The following SVOPL variants were observed in gnomAD, a reference collection of about 807,000 sequenced individuals.
SVOPL encodes putative transporter SVOPL.
In SVOPL, 60 loss-of-function variants were observed where a neutral mutation model predicts 61.0. That is an observed-to-expected ratio of 0.98 (90% confidence interval 0.80 to 1.22). The LOEUF (loss-of-function observed/expected upper bound fraction) is 1.22. Among genes scored for constraint, SVOPL ranks in the 50% most tolerant of loss-of-function variants. SVOPL has a pLI of 0.00. For synonymous variants in SVOPL, 279 were observed against 250.0 expected (o/e 1.12, Z -1.09); for missense variants, 662 against 643.9 (o/e 1.03, Z -0.30).
intron 14 of SVOPL, among the ~76,000 whole-genome samples, chr7:138,602,897 T>C (rs1019858978): frequency 2.0e-5 from 3 of 152,014 alleles, no homozygotes; most frequent in Non-Finnish European, 4.4e-5. Context: ...GAACCAAACT[T>C]TGAAAAGGGG....
At position 138,630,023 on chromosome 7, in the gene SVOPL, T is replaced by G; in HGVS notation, c.863+26A>C. The stretch of plus-strand genomic sequence containing the variant: ...TCCTCCCAATGCCTCTATTTAAAAC[T>G]AGCTTTGAAATCATTACACTCTTAC... On this transcript the variant is annotated intron_variant, in intron 10 of 15. Coordinates refer to ENST00000674285, the MANE Select transcript of SVOPL (RefSeq NM_001139456.2). 7.5e-6 allele frequency: 12 copies of G among 1,592,650 alleles called. 1 individual carries two copies. The South Asian group carries it at 1.3e-4, about 18-fold the overall frequency.
At position 138,649,054 on chromosome 7, in the gene SVOPL, G is replaced by C; in HGVS notation, c.618C>G (p.Arg206=). 1.2e-6 allele frequency: 2 copies of C among 1,613,868 alleles called. No individual in the cohort carries two copies. The highest frequency in any genetic ancestry group is 1.7e-6 in the Non-Finnish European group (2 of 1,179,956). The change falls in exon 8 of 16, where the codon CGC becomes CGG. Residue 206 remains arginine, a synonymous_variant. Transcript: ENST00000674285. Reference sequence around the variant, plus strand: ...GGATGATGCCCGGGATGGAGGCGACGCGAATGAGCCAGCGCCACCCGATGG... The same window carrying C: ...GGATGATGCCCGGGATGGAGGCGACCCGAATGAGCCAGCGCCACCCGATGG... The part of the protein sequence containing the change: ...IPTIGWRWLI[R]VASIPGIILI...
intron 12 of SVOPL, 74 bp from the exon 13 acceptor site, chr7:138,626,124 G>T: frequency 7.1e-7 from 1 of 1,400,654 alleles, no homozygotes; most frequent in Non-Finnish European, 1.0e-6. Context: ...AGCTTCGAGT[G>T]CACTGTGGAT....
chr7:138,632,001 C>T (rs1446223147), intron 9 of SVOPL, among the ~76,000 whole-genome samples: 1 of 151,360 alleles, frequency 6.6e-6, no homozygotes, highest in African/African-American at 2.5e-5. Context: ...CACCCCTACA[C>T]CCCACCTGGT....
rs565396774 is a variant in SVOPL, at chr7:138,661,034, C to T, written c.346-1046G>A. 9 of 983,872 alleles carry T rather than the reference C, an allele frequency of 9.1e-6. No individual in the cohort carries two copies. In the South Asian group the frequency reaches 2.4e-4, roughly 26 times the overall value. The allele number at this position is 983,872 out of a possible 1,614,324, so 60.9% of individuals were successfully genotyped here. ...TAATTTGTATTTCTTTTATAAAATG[C>T]CTTTTTGTGCTTTTTTGAGATACTC... On this transcript the variant is annotated intron_variant, in intron 5 of 15. Transcript: ENST00000674285.
intron 14 of SVOPL, among the ~76,000 whole-genome samples, chr7:138,597,974 C>T (rs945411629): frequency 9.2e-5 from 14 of 152,142 alleles, no homozygotes; most frequent in Non-Finnish European, 4.4e-5. Context: ...ACTGCCTAGG[C>T]TTTTTGCCTT....
Position 138,644,783 on chromosome 7 carries a change from A to G in SVOPL, c.723T>C (p.Thr241=). Residue 241 remains threonine, a synonymous_variant, in exon 9 of 16, where the codon ACT becomes ACC. Coordinates refer to ENST00000674285, the MANE Select transcript of SVOPL (RefSeq NM_001139456.2). ...GGTTCATCTTGGCAACGCGCTCCAG[A>G]GTGGCCAGGGCAGCCCGAGTGTTCC... ...STGNTRAALA[T]LERVAKMNRS... 6.2e-7 allele frequency: 1 copy of G among 1,614,172 alleles called. No homozygotes were observed. Among genetic ancestry groups the G allele is most frequent in the Non-Finnish European group, 8.5e-7 (1 of 1,180,036 alleles).
chr7:138,602,441 CTATATATATATATATATA>C (rs59400217), intron 14 of SVOPL, among the ~76,000 whole-genome samples: 94,968 of 140,936 alleles, frequency 0.67, 31,103 homozygotes, highest in Middle Eastern at 0.77. Context: ...AAGGCAGTTG[CTATATATATATATATATA>C]TATATATATA....
At chr7:138,642,029 C>A in intron 9 of SVOPL, among the ~76,000 whole-genome samples, 1 of 150,396 alleles carries the variant, frequency 6.6e-6, no homozygotes. Flanking sequence ...ATATAGAGGA[C>A]AAATAGAAAG....
At chr7:138,619,162 C>A (rs1050550835) in intron 14 of SVOPL, among the ~76,000 whole-genome samples, 1 of 152,190 alleles carries the variant, frequency 6.6e-6, no homozygotes, top group Non-Finnish European at 1.5e-5. Context: ...AATCCCAACA[C>A]TTTGGAAGGA....
Position 138,605,692 on chromosome 7 carries a change from A to G in SVOPL, c.1354-9162T>C, listed in dbSNP as rs564942987. On this transcript the variant is annotated intron_variant, in intron 14 of 15. Coordinates refer to ENST00000674285, the MANE Select transcript of SVOPL (RefSeq NM_001139456.2). ...GACAGTCATTCTGGAAACTAACAAG[A>G]TAAAACACATAACCACAAACAGTCC... 2.0e-5 allele frequency among the ~76,000 whole-genome samples: 3 copies of G among 151,378 alleles called. No individual in the cohort carries two copies. The East Asian group carries it at 5.8e-4, about 29-fold the overall frequency.
Position 138,651,838 on chromosome 7 carries a change from A to G in SVOPL, c.535-2701T>C, listed in dbSNP as rs138286399. The stretch of plus-strand genomic sequence containing the variant: ...ATGCCCTCAGATACAACAGTATTGA[A>G]ATTTGATCAATTAGTAATCCTATAG... On this transcript the variant is annotated intron_variant, in intron 7 of 15. Coordinates refer to ENST00000674285, the MANE Select transcript of SVOPL (RefSeq NM_001139456.2). Among the ~76,000 whole-genome samples the G allele has an allele frequency of 3.9e-5, 6 of 152,294 alleles. No individual in the cohort carries two copies. In the East Asian group the frequency reaches 1.2e-3, roughly 29 times the overall value.
intron 1 of SVOPL, among the ~76,000 whole-genome samples, chr7:138,687,386 C>A (rs1008017604): frequency 6.6e-6 from 1 of 151,438 alleles, no homozygotes; most frequent in African/African-American, 2.4e-5. Context: ...CAGGTGCACA[C>A]CACCATGCCC....
intron 14 of SVOPL, among the ~76,000 whole-genome samples, chr7:138,610,686 A>C (rs1241432451): frequency 1.3e-5 from 2 of 152,198 alleles, no homozygotes; most frequent in African/African-American, 4.8e-5. Context: ...CTAGGCCTTG[A>C]CCTTGCCCTG....
chr7:138,614,533 T>C (rs904831705), intron 14 of SVOPL, among the ~76,000 whole-genome samples: 1 of 151,926 alleles, frequency 6.6e-6, no homozygotes, highest in Non-Finnish European at 1.5e-5. Flanking sequence ...GTAGCTGGGA[T>C]TGCAGACGTG....
intron 13 of SVOPL, among the ~76,000 whole-genome samples, chr7:138,623,548 C>T (rs965826147): frequency 2.6e-5 from 4 of 151,878 alleles, no homozygotes; most frequent in Admixed American, 6.6e-5. Flanking sequence ...TGCAGTGAGC[C>T]GAGATCGCGC....
chr7:138,662,831 C>G (rs1802058229), intron 5 of SVOPL: 1 of 1,358,632 alleles, frequency 7.4e-7, no homozygotes, highest in Non-Finnish European at 9.5e-7. Context: ...TCTTAGAACT[C>G]TATAATACCC....
At chr7:138,666,276 CAT>C (rs1802258242) in intron 4 of SVOPL, among the ~76,000 whole-genome samples, 1 of 152,228 alleles carries the variant, frequency 6.6e-6, no homozygotes, top group Admixed American at 6.5e-5. Flanking sequence ...CAAATAAACT[CAT>C]TTCTCTGGAG....
chr7:138,676,427 G>C (rs1034208823), intron 3 of SVOPL, among the ~76,000 whole-genome samples: 1 of 152,056 alleles, frequency 6.6e-6, no homozygotes, highest in Non-Finnish European at 1.5e-5. Context: ...CTACTCCCTC[G>C]TGTCCTTCGA....
Sources: allele counts gnomAD v4.1 joint callset (sites outside exome capture counted in the v4.1 genomes callset), GRCh38; gene constraint gnomAD v4.1.1; transcripts MANE v1.5; gene names NCBI Gene and HGNC (gene_info 2026-07-23, HGNC 2026-07-21).